OLFM3: variants seen among roughly 807,000 people sequenced by gnomAD.
The protein encoded by OLFM3 is noelin-3.
In OLFM3, 20 loss-of-function variants were observed where a neutral mutation model predicts 48.6. The observed-to-expected ratio is 0.41, with a 90% CI of 0.29 to 0.60. The LOEUF (loss-of-function observed/expected upper bound fraction) is 0.60. OLFM3 is among the 20% of genes least tolerant of loss of function. OLFM3 has a pLI of 0.28. For synonymous variants in OLFM3, 222 were observed against 198.1 expected (o/e 1.12, Z -1.01); for missense variants, 437 against 544.3 (o/e 0.80, Z 1.96).
At chr1:101,814,621 A>G (rs1247061186) in intron 4 of OLFM3, among the ~76,000 whole-genome samples, 2 of 152,156 alleles carry the variant, frequency 1.3e-5, no homozygotes, top group East Asian at 1.9e-4. Context: ...CATTTAGAGA[A>G]TAGCTAGGGG....
intron 1 of OLFM3, among the ~76,000 whole-genome samples, chr1:101,878,947 A>G (rs576062586): frequency 6.6e-6 from 1 of 151,916 alleles, no homozygotes; most frequent in Non-Finnish European, 1.5e-5. Flanking sequence ...GCTGCAAAAT[A>G]TATGTAACTG....
intron 1 of OLFM3, among the ~76,000 whole-genome samples, chr1:101,888,920 A>G (rs1423204474): frequency 6.6e-6 from 1 of 152,246 alleles, no homozygotes; most frequent in African/African-American, 2.4e-5. Context: ...ATCACTGGCC[A>G]TCAAAGAAAT....
chr1:101,913,885 A>G (rs548347697), intron 1 of OLFM3, among the ~76,000 whole-genome samples: 2 of 152,148 alleles, frequency 1.3e-5, no homozygotes, highest in African/African-American at 2.4e-5. Context: ...AATAAAAGGG[A>G]CTAGGGAAGA....
chr1:101,851,666 T>C (rs1656224106), intron 1 of OLFM3, among the ~76,000 whole-genome samples: 1 of 152,106 alleles, frequency 6.6e-6, no homozygotes, highest in African/African-American at 2.4e-5. Flanking sequence ...TATTTTTGCT[T>C]CCCTCTTCAT....
chr1:101,869,698 C>A (rs11164319), intron 1 of OLFM3, among the ~76,000 whole-genome samples: 11,439 of 152,144 alleles, frequency 0.075, 1,066 homozygotes, highest in East Asian at 0.33. Flanking sequence ...ATAATCTCCA[C>A]ATGTCATGGG....
chr1:101,900,614 G>T (rs190604395), intron 1 of OLFM3, among the ~76,000 whole-genome samples: 1 of 152,072 alleles, frequency 6.6e-6, no homozygotes, highest in Non-Finnish European at 1.5e-5. Context: ...GAGCTAAAAA[G>T]TGAAAGAAGT....
chr1:101,877,726 A>T (rs1332936703), intron 1 of OLFM3, among the ~76,000 whole-genome samples: 1 of 151,904 alleles, frequency 6.6e-6, no homozygotes, highest in African/African-American at 2.4e-5. Context: ...ATCTTATTAA[A>T]AATGACCTTA....
At chr1:101,925,845 T>A (rs754827375) in intron 1 of OLFM3, among the ~76,000 whole-genome samples, 2 of 152,168 alleles carry the variant, frequency 1.3e-5, no homozygotes, top group Non-Finnish European at 2.9e-5. Flanking sequence ...CTGTAGTCTA[T>A]ACTAAACTGC....
intron 1 of OLFM3, among the ~76,000 whole-genome samples, chr1:101,929,741 T>G (rs1055245349): frequency 4.6e-5 from 7 of 152,130 alleles, no homozygotes; most frequent in Non-Finnish European, 8.8e-5. Flanking sequence ...TAAAAATTAT[T>G]AAAGTCAGAG....
intron 1 of OLFM3, among the ~76,000 whole-genome samples, chr1:101,879,369 TA>T (rs1657428247): frequency 1.3e-5 from 2 of 151,900 alleles, no homozygotes; most frequent in African/African-American, 4.8e-5. Context: ...AATGAGAAAT[TA>T]TTCCTTACAA....
At chr1:101,874,227 T>C (rs2100980559) in intron 1 of OLFM3, among the ~76,000 whole-genome samples, 1 of 152,040 alleles carries the variant, frequency 6.6e-6, no homozygotes, top group South Asian at 2.1e-4. Flanking sequence ...ATATTTTGGA[T>C]GATTTCACAT....
Position 101,871,219 on chromosome 1 carries a change from AAT to A in OLFM3, c.70-34196_70-34195del, listed in dbSNP as rs1247347173. ...GTACTTTTGTGCTGACACAGGAATG[AAT>A]ATGTTTTAAGACCATTTTACTTATT... is the stretch of plus-strand genomic sequence containing the variant. On this transcript the variant is annotated intron_variant, in intron 1 of 5. Coordinates refer to ENST00000370103, the MANE Select transcript of OLFM3 (RefSeq NM_058170.4). Among the ~76,000 whole-genome samples, 6 of 152,234 alleles carry A rather than the reference AAT, an allele frequency of 3.9e-5. No homozygotes were observed. The South Asian group carries it at 8.3e-4, about 21-fold the overall frequency.
chr1:101,905,595 C>G (rs1658524846), intron 1 of OLFM3, among the ~76,000 whole-genome samples: 1 of 152,090 alleles, frequency 6.6e-6, no homozygotes, highest in South Asian at 2.1e-4. Context: ...GAGTGCTCAT[C>G]AAGCTAACAG....
intron 1 of OLFM3, among the ~76,000 whole-genome samples, chr1:101,884,150 C>T (rs1657649123): frequency 6.6e-6 from 1 of 151,964 alleles, no homozygotes; most frequent in South Asian, 2.1e-4. Context: ...CCTCTCCCAA[C>T]ATCCTCTCTA....
At chr1:101,880,971 C>G (rs747570244) in intron 1 of OLFM3, among the ~76,000 whole-genome samples, 24 of 151,816 alleles carry the variant, frequency 1.6e-4, no homozygotes, top group African/African-American at 5.1e-4. Context: ...AGAACACACT[C>G]GATTAAAAAT....
At chr1:101,842,507 A>T (rs1655776922) in intron 1 of OLFM3, among the ~76,000 whole-genome samples, 1 of 152,206 alleles carries the variant, frequency 6.6e-6, no homozygotes, top group South Asian at 2.1e-4. Flanking sequence ...AGATAGTGCC[A>T]TGGCACTACA....
At chr1:101,961,455 A>T (rs1338751997) in intron 1 of OLFM3, among the ~76,000 whole-genome samples, 1 of 152,024 alleles carries the variant, frequency 6.6e-6, no homozygotes, top group Admixed American at 6.6e-5. Context: ...AGTGAAAAAG[A>T]GTAGAGATAT....
intron 1 of OLFM3, among the ~76,000 whole-genome samples, chr1:101,964,849 G>A (rs1660566009): frequency 1.3e-5 from 2 of 152,234 alleles, no homozygotes; most frequent in Admixed American, 1.3e-4. Flanking sequence ...GAAGAAAGTA[G>A]AAACTGGGTT....
chr1:101,850,329 G>C (rs1005699278), intron 1 of OLFM3, among the ~76,000 whole-genome samples: 5 of 151,996 alleles, frequency 3.3e-5, no homozygotes, highest in Non-Finnish European at 7.4e-5. Context: ...TTATTCATTA[G>C]ATTTTTTATA....
Sources: allele counts gnomAD v4.1 joint callset (sites outside exome capture counted in the v4.1 genomes callset), GRCh38; gene constraint gnomAD v4.1.1; transcripts MANE v1.5; gene names NCBI Gene and HGNC (gene_info 2026-07-23, HGNC 2026-07-21).